ULK1: variants seen among roughly 807,000 people sequenced by gnomAD.
ULK1 encodes the protein unc-51 like autophagy activating kinase 1.
A neutral mutation model predicts 117.5 loss-of-function variants in ULK1; 48 were observed. The observed-to-expected ratio is 0.41, with a 90% CI of 0.32 to 0.52. The LOEUF (loss-of-function observed/expected upper bound fraction) is 0.52, where lower values mean the gene tolerates loss of function less well. ULK1 is among the 20% of genes least tolerant of loss of function. The pLI is 0.29. For missense variants in ULK1, 1,387 were observed against 1,473.4 expected (o/e 0.94, Z 0.96); for synonymous variants, 790 against 637.8 (o/e 1.24, Z -3.60).
At chr12:131,906,321 C>T (rs573883122) in intron 3 of ULK1, among the ~76,000 whole-genome samples, 3 of 152,250 alleles carry the variant, frequency 2.0e-5, no homozygotes, top group South Asian at 2.1e-4. Flanking sequence ...GAACTGCTGA[C>T]CTCATGATCC....
chr12:131,913,500 C>T (rs1379437842), intron 14 of ULK1, among the ~76,000 whole-genome samples: 1 of 152,038 alleles, frequency 6.6e-6, no homozygotes, highest in African/African-American at 2.4e-5. Flanking sequence ...TTGAGACCAT[C>T]CTGGCCAACA....
intron 3 of ULK1, among the ~76,000 whole-genome samples, chr12:131,896,085 C>T (rs1427931693): frequency 1.3e-5 from 2 of 152,132 alleles, no homozygotes; most frequent in East Asian, 1.9e-4. Context: ...ATCCCCTCCC[C>T]GCCGGGCGTC....
chr12:131,910,019 G>T lies in ULK1; in HGVS notation c.808+18G>T. 6.2e-7 allele frequency: 1 copy of T among 1,610,368 alleles called. No homozygotes were observed. Among genetic ancestry groups the T allele is most frequent in the African/African-American group, 1.3e-5 (1 of 75,050 alleles). On this transcript the variant is annotated intron_variant, in intron 10 of 27. Coordinates refer to ENST00000321867, the MANE Select transcript of ULK1 (RefSeq NM_003565.4). ...GGACTTCGGTGAGCACCCACCAGGGGCGCAGCTGGAGTCCCCCACCCTCCT... is the reference window on the plus strand; with the variant it reads ...GGACTTCGGTGAGCACCCACCAGGGTCGCAGCTGGAGTCCCCCACCCTCCT...
rs569115648 is a variant in ULK1 at position 131,907,794 on chromosome 12, A to G, written c.316+263A>G. On this transcript the variant is annotated intron_variant, in intron 5 of 27. Coordinates refer to ENST00000321867, the MANE Select transcript of ULK1 (RefSeq NM_003565.4). ...ACCAGAATAGCCCGAGGGGAGCCGC[A>G]CAAACCAGGGGTGGGGGCTGTTGTC... is the stretch of plus-strand genomic sequence containing the variant. Among the ~76,000 whole-genome samples the G allele has an allele frequency of 2.0e-5, 3 of 152,134 alleles. No homozygotes were observed. The East Asian group carries it at 5.8e-4, about 29-fold the overall frequency.
intron 3 of ULK1, among the ~76,000 whole-genome samples, chr12:131,906,101 TC>T (rs201221780): frequency 1.0e-3 from 153 of 149,856 alleles, no homozygotes; most frequent in Middle Eastern, 3.5e-3. Flanking sequence ...GTTGGCGTCT[TC>T]TTTTTTTTTG....
At chr12:131,907,649 A>G in intron 5 of ULK1, 118 bp downstream of exon 5, 2 of 1,283,468 alleles carry the variant, frequency 1.6e-6, no homozygotes, top group East Asian at 2.6e-5. Flanking sequence ...GCTCATTGTG[A>G]GATTGGCTCT....
chr12:131,921,573 TC>T lies in ULK1; in HGVS notation c.*213del, dbSNP rs1359503173. On this transcript the variant is annotated 3_prime_UTR_variant, in exon 28 of 28. Transcript: ENST00000321867. ...CACACAGCTTGGGGGGTGTCTCCCATCTTTTACAGGTGGGGATCACAGAATT... is the reference window on the plus strand; with the variant it reads ...CACACAGCTTGGGGGGTGTCTCCCATTTTTACAGGTGGGGATCACAGAATT... 19 of 698,548 alleles carry T rather than the reference TC, an allele frequency of 2.7e-5. No homozygotes were observed. In the South Asian group the frequency reaches 3.4e-4, roughly 13 times the overall value. The allele number at this position is 698,548 out of a possible 1,614,324, so 43.3% of individuals were successfully genotyped here.
chr12:131,918,678 G>A lies in ULK1; in HGVS notation c.2508G>A (p.Met836Ile), dbSNP rs1271101234. The part of the protein sequence containing the change: ...EAPDLPEETL[M>I]EQEHTEILRG... ...CCGACCTCCCTGAGGAGACCCTCAT[G>A]GAGGTGAGGGCTGGAGTGAGCAAAG... is the stretch of plus-strand genomic sequence containing the variant. Residue 836 changes from methionine (M) to isoleucine (I), a missense_variant, in exon 23 of 28, where the codon ATG becomes ATA. Met to Ile is a conservative substitution (Grantham distance 10, BLOSUM62 1). Coordinates refer to ENST00000321867, the MANE Select transcript of ULK1 (RefSeq NM_003565.4). 1 of 1,589,768 alleles carries A rather than the reference G, an allele frequency of 6.3e-7. No individual in the cohort carries two copies. Among genetic ancestry groups the A allele is most frequent in the Non-Finnish European group, 8.6e-7 (1 of 1,168,512 alleles).
At chr12:131,913,960 A>G in intron 15 of ULK1, 124 bp downstream of exon 15, 6 of 866,228 alleles carry the variant, frequency 6.9e-6, no homozygotes, top group Non-Finnish European at 9.9e-6. Flanking sequence ...TTCTTCTCCC[A>G]GGCCTCGCAG....
chr12:131,910,185 G>A (rs547995559), intron 10 of ULK1, 69 bp from the exon 11 acceptor site: 427 of 1,600,236 alleles, frequency 2.7e-4, no homozygotes, highest in Non-Finnish European at 3.4e-4. Context: ...AGCTCAGGCC[G>A]TGGGGAGGCA....
chr12:131,907,851 C>T (rs1179604399), intron 5 of ULK1, among the ~76,000 whole-genome samples: 1 of 152,054 alleles, frequency 6.6e-6, no homozygotes, highest in African/African-American at 2.4e-5. Flanking sequence ...GGCTCTTGGC[C>T]CACCCAAAGT....
At chr12:131,910,845 G>A in intron 12 of ULK1, 45 bp downstream of exon 12, 2 of 1,608,158 alleles carry the variant, frequency 1.2e-6, no homozygotes, top group Non-Finnish European at 1.7e-6. Flanking sequence ...CCTCCACTCA[G>A]CAGTCAGGGG....
At chr12:131,916,359 A>G (rs759911493) in intron 19 of ULK1, 39 bp from the exon 20 acceptor site, 43 of 1,530,842 alleles carry the variant, frequency 2.8e-5, no homozygotes, top group Non-Finnish European at 3.5e-5. Context: ...AGGGCTGCAG[A>G]CCTGCGGGGC....
intron 26 of ULK1, 200 bp from the exon 27 acceptor site, chr12:131,920,900 C>T (rs1305160487): frequency 2.8e-6 from 2 of 717,606 alleles, no homozygotes. Context: ...TGGCCAGGGT[C>T]ATCTGGTTCC....
Position 131,922,457 on chromosome 12 carries a change from C to CCT in ULK1, c.*1096_*1097insCT. 3.3e-5 allele frequency: 6 copies of CCT among 182,632 alleles called. No individual in the cohort carries two copies. The South Asian group carries it at 3.8e-4, about 12-fold the overall frequency. The allele number at this position is 182,632 out of a possible 1,614,324, so 11.3% of individuals were successfully genotyped here. A position where few individuals can be genotyped will look rare whatever the true frequency, so the allele number is the denominator to read the frequency against. ...AAGCTCCCCGTCCAGCTTTGACAGT[C>CCT]AGTTTTGATGTCAGCTCCTCGGCAG... On this transcript the variant is annotated 3_prime_UTR_variant, in exon 28 of 28. Coordinates refer to ENST00000321867, the MANE Select transcript of ULK1 (RefSeq NM_003565.4).
At chr12:131,919,694 TGTGCAGAG>T (rs1175823418) in intron 25 of ULK1, 104 bp downstream of exon 25, 154 of 1,348,692 alleles carry the variant, frequency 1.1e-4, no homozygotes, top group Admixed American at 5.1e-4. Flanking sequence ...AGTAGGCCCC[TGTGCAGAG>T]GTGCAGAGGC....
intron 22 of ULK1, among the ~76,000 whole-genome samples, chr12:131,918,059 G>A (rs897677783): frequency 3.9e-5 from 6 of 152,154 alleles, no homozygotes; most frequent in African/African-American, 9.7e-5. Flanking sequence ...GGCTGCCATC[G>A]CTGGGGTCAC....
Position 131,908,985 on chromosome 12 carries a change from G to A in ULK1, c.564+14G>A. 2.5e-6 allele frequency: 4 copies of A among 1,612,876 alleles called. No individual in the cohort carries two copies. The highest frequency in any genetic ancestry group is 2.5e-6 in the Non-Finnish European group (3 of 1,179,878). On this transcript the variant is annotated intron_variant, in intron 7 of 27. Transcript: ENST00000321867. ...CCCATGTACATGGTGTGTTTACCTTGGCCGGGCTGTGCCGGGTGGGCGCCT... is the reference window on the plus strand; with the variant it reads ...CCCATGTACATGGTGTGTTTACCTTAGCCGGGCTGTGCCGGGTGGGCGCCT...
Position 131,913,219 on chromosome 12 carries a change from C to A in ULK1, c.1118C>A (p.Pro373His). Residue 373 changes from proline (P) to histidine (H), a missense_variant, in exon 14 of 28, where the codon CCC (proline) becomes CAC (histidine). Pro to His is a moderately conservative substitution (Grantham distance 77). This residue lies in a region of ULK1 where 260 missense variants were observed against 271.6 expected (regional missense o/e 0.96). Coordinates refer to ENST00000321867, the MANE Select transcript of ULK1 (RefSeq NM_003565.4). ...GCAGGTGACCTGGTGGCTGAGGCGC[C>A]CAGTGCCAAACCCCCGCCAGACAGC... is the stretch of plus-strand genomic sequence containing the variant. ...QFPGDLVAEA[P>H]SAKPPPDSLM... The A allele has an allele frequency of 6.3e-7, 1 of 1,589,830 alleles. No individual in the cohort carries two copies. Among genetic ancestry groups the A allele is most frequent in the Non-Finnish European group, 8.5e-7 (1 of 1,170,352 alleles).
Sources: allele counts gnomAD v4.1 joint callset (sites outside exome capture counted in the v4.1 genomes callset), GRCh38; gene constraint gnomAD v4.1.1; regional missense constraint gnomAD v4.1.1; transcripts MANE v1.5; gene names NCBI Gene and HGNC (gene_info 2026-07-23, HGNC 2026-07-21).